The following RAPGEF3 variants were observed in gnomAD, a reference collection of about 807,000 sequenced individuals.
RAPGEF3 encodes the protein 9330170P05Rik.
Under a neutral mutation model 129.8 loss-of-function variants are expected in RAPGEF3, and 103 were observed. That is an observed-to-expected ratio of 0.79 (90% CI 0.68 to 0.93). The LOEUF (loss-of-function observed/expected upper bound fraction) is 0.93. RAPGEF3 is among the 40% of genes least tolerant of loss of function. The pLI is 0.00. For synonymous variants in RAPGEF3, 436 were observed against 482.6 expected, an observed-to-expected ratio of 0.90 and a Z score of 1.26; for missense variants, 1,117 against 1,207.4, an observed-to-expected ratio of 0.93 and a Z score of 1.11.
rs1940795455 is a variant in RAPGEF3, at chr12:47,736,219, T to C, written c.*1348A>G. On this transcript the variant is annotated 3_prime_UTR_variant, in exon 28 of 28. Transcript: ENST00000449771. ...GAGGTCTAAGCCCAGCTGTGCTGCC[T>C]CCCTGCTAAAGGCTCTGACCCTTTC... 1 of 152,278 alleles carries C rather than the reference T, an allele frequency of 6.6e-6. No homozygotes were observed. The highest frequency in any genetic ancestry group is 1.5e-5 in the Non-Finnish European group (1 of 68,060). The allele number at this position is 152,278 out of a possible 1,614,324, so 9.4% of individuals were successfully genotyped here. A position where few individuals can be genotyped will look rare whatever the true frequency, so the allele number is the denominator to read the frequency against.
At chr12:47,737,720 C>T in intron 27 of RAPGEF3, 35 bp from the exon 28 acceptor site, 1 of 1,583,718 alleles carries the variant, frequency 6.3e-7, no homozygotes, top group Non-Finnish European at 8.7e-7. Flanking sequence ...GGCACTGATG[C>T]CCCTTTGTGG....
At position 47,735,960 on chromosome 12, in the gene RAPGEF3, C is replaced by G. The variant is rs1940787109; in HGVS notation, c.*1607G>C. The G allele has an allele frequency of 6.6e-6, 1 of 152,564 alleles. No homozygotes were observed. Among genetic ancestry groups the G allele is most frequent in the Non-Finnish European group, 1.5e-5 (1 of 68,312 alleles). 9.5% of individuals were successfully genotyped at this position (152,564 alleles called of 1,614,324 possible). A position where few individuals can be genotyped will look rare whatever the true frequency, so the allele number is the denominator to read the frequency against. On this transcript the variant is annotated 3_prime_UTR_variant, in exon 28 of 28. Transcript: ENST00000449771. ...AGGGAACTGGTTTGGTTACCACTGCCATCTGCTGCACCTCAGTCTCTCCCT... is the reference window on the plus strand; with the variant it reads ...AGGGAACTGGTTTGGTTACCACTGCGATCTGCTGCACCTCAGTCTCTCCCT...
chr12:47,751,920 T>C lies in RAPGEF3; in HGVS notation c.269A>G (p.Glu90Gly), dbSNP rs774574166. Residue 90 changes from glutamate to glycine, a missense_variant, in exon 3 of 28, where the codon GAG (glutamate) becomes GGG (glycine). By Grantham distance (98) the Glu-to-Gly change is moderately conservative. Coordinates refer to ENST00000449771, the MANE Select transcript of RAPGEF3 (RefSeq NM_001098531.4). ...CCACCCTGCCCAGGCTTCTACCTGC[T>C]CCAGGCTCTCGCTGAAATCCAGGGA... ...EESLDFSESLEQASTERVLRA... is the reference protein window; with the variant it reads ...EESLDFSESLGQASTERVLRA... The C allele has an allele frequency of 6.2e-7, 1 of 1,614,098 alleles. No individual in the cohort carries two copies. The highest frequency in any genetic ancestry group is 1.1e-5 in the South Asian group (1 of 91,084).
chr12:47,751,941 A>G lies in RAPGEF3; in HGVS notation c.248T>C (p.Leu83Pro). The change falls in exon 3 of 28, where the codon CTG (leucine) becomes CCG (proline). Residue 83 changes from leucine (L) to proline (P), a missense_variant. Coordinates refer to ENST00000449771, the MANE Select transcript of RAPGEF3 (RefSeq NM_001098531.4). ...WTPLTNSEES[L>P]DFSESLEQAS... Reference sequence around the variant, plus strand: ...CTGCTCCAGGCTCTCGCTGAAATCCAGGGACTCCTCGCTGTTGGTGAGTGG... The same window carrying G: ...CTGCTCCAGGCTCTCGCTGAAATCCGGGGACTCCTCGCTGTTGGTGAGTGG... 1 of 1,614,076 alleles carries G rather than the reference A, an allele frequency of 6.2e-7. No homozygotes were observed. The highest frequency in any genetic ancestry group is 8.5e-7 in the Non-Finnish European group (1 of 1,180,004).
At chr12:47,743,264 G>A (rs915336507) in intron 18 of RAPGEF3, among the ~76,000 whole-genome samples, 1 of 152,230 alleles carries the variant, frequency 6.6e-6, no homozygotes, top group Non-Finnish European at 1.5e-5. Flanking sequence ...AGCACAGAGG[G>A]ATGAAGTACC....
intron 26 of RAPGEF3, 38 bp downstream of exon 26, chr12:47,738,155 G>C (rs199716110): frequency 1.9e-6 from 3 of 1,613,804 alleles, no homozygotes; most frequent in African/African-American, 2.7e-5. Flanking sequence ...GAGGATGTAG[G>C]GTGGGGGACC....
At position 47,740,951 on chromosome 12, in the gene RAPGEF3, C is replaced by A. The variant is rs768836107; in HGVS notation, c.2013G>T (p.Thr671=). 1 of 1,613,910 alleles carries A rather than the reference C, an allele frequency of 6.2e-7. No homozygotes were observed. The highest frequency in any genetic ancestry group is 8.5e-7 in the Non-Finnish European group (1 of 1,179,994). ...VSAKDLAGQL[T]DHDWSLFNSI... is the part of the protein sequence containing the mutation. ...TGTTGAAGAGGCTCCAGTCGTGGTC[C>A]GTCAGCTGGCCTGCCAGGTCCTTGG... The change falls in exon 20 of 28, where the codon ACG becomes ACT. Residue 671 remains threonine (T), a synonymous_variant. Transcript: ENST00000449771.
chr12:47,738,832 G>A (rs111717879), intron 24 of RAPGEF3, 78 bp from the exon 25 acceptor site: 21 of 1,265,838 alleles, frequency 1.7e-5, no homozygotes, highest in African/African-American at 1.3e-4. Flanking sequence ...AGGGCATAAC[G>A]GCTCCCTTGG....
chr12:47,755,259 T>A (rs1003577377), intron 2 of RAPGEF3, among the ~76,000 whole-genome samples: 1 of 152,210 alleles, frequency 6.6e-6, no homozygotes, highest in African/African-American at 2.4e-5. Flanking sequence ...TGTTTTCACA[T>A]CTATAAAATG....
At chr12:47,758,480 A>G (rs1322337303) in intron 1 of RAPGEF3, 71 bp downstream of exon 1, 3 of 1,581,172 alleles carry the variant, frequency 1.9e-6, no homozygotes. Flanking sequence ...TCCCACCCAA[A>G]CTCCCCACCG....
At position 47,740,019 on chromosome 12, in the gene RAPGEF3, C is replaced by A. The variant is rs1420453473; in HGVS notation, c.2373+122G>T. ...TAGGCCCTGGGCCGAGGTTGGGAAC[C>A]CTGAAAGTGACAAAGGACGAGTAGA... On this transcript the variant is annotated intron_variant, in intron 23 of 27. Transcript: ENST00000449771. The A allele has an allele frequency of 4.7e-6, 6 of 1,275,944 alleles. No individual in the cohort carries two copies. In the East Asian group the frequency reaches 1.5e-4, roughly 32 times the overall value. 79.0% of individuals were successfully genotyped at this position (1,275,944 alleles called of 1,614,324 possible). A position where few individuals can be genotyped will look rare whatever the true frequency, so the allele number is the denominator to read the frequency against.
In RAPGEF3 at chr12:47,748,048, C is replaced by T. The variant is rs568381578; in HGVS notation, c.1322+26G>A. On this transcript the variant is annotated intron_variant, in intron 13 of 27. Coordinates refer to ENST00000449771, the MANE Select transcript of RAPGEF3 (RefSeq NM_001098531.4). ...ACGCACCATCCTATCCCCATGCACACCATCCCCCTGGAGCTGGAAGGATAT... is the reference window on the plus strand; with the variant it reads ...ACGCACCATCCTATCCCCATGCACATCATCCCCCTGGAGCTGGAAGGATAT... 33 of 1,562,696 alleles carry T rather than the reference C, an allele frequency of 2.1e-5. 2 individuals are homozygous for T. In the South Asian group the frequency reaches 3.8e-4, roughly 18 times the overall value.
At position 47,758,769 on chromosome 12, in the gene RAPGEF3, G is replaced by C; in HGVS notation, c.-213C>G. On this transcript the variant is annotated 5_prime_UTR_variant, in exon 1 of 28. Coordinates refer to ENST00000449771, the MANE Select transcript of RAPGEF3 (RefSeq NM_001098531.4). The stretch of plus-strand genomic sequence containing the variant: ...TCCTCTTGGGTGAGTAGAGGGGTGG[G>C]GGCGTGGTGGGGGGACGCCACCCAG... 8.1e-7 allele frequency: 1 copy of C among 1,241,810 alleles called. No homozygotes were observed. 76.9% of individuals were successfully genotyped at this position (1,241,810 alleles called of 1,614,324 possible). A position where few individuals can be genotyped will look rare whatever the true frequency, so the allele number is the denominator to read the frequency against.
chr12:47,755,430 A>G (rs188268771), intron 2 of RAPGEF3, among the ~76,000 whole-genome samples: 1 of 152,326 alleles, frequency 6.6e-6, no homozygotes, highest in Non-Finnish European at 1.5e-5. Context: ...TCTCGGAGTT[A>G]CAAAACAGGG....
intron 2 of RAPGEF3, among the ~76,000 whole-genome samples, chr12:47,754,905 C>T (rs193235818): frequency 5.3e-5 from 8 of 152,338 alleles, no homozygotes; most frequent in African/African-American, 1.7e-4. Context: ...GGCACCAGCA[C>T]TGTGGCCTGC....
At position 47,749,114 on chromosome 12, in the gene RAPGEF3, C is replaced by T. The variant is rs77260207; in HGVS notation, c.1042-183G>A. ...CCCTACCTTCCATGCATCCTGCCTC[C>T]CCCACAGCCTAGTCCCCCGCCCCCT... On this transcript the variant is annotated intron_variant, in intron 10 of 27. Transcript: ENST00000449771. This position sits in a 1 kb window ranked among gnomAD's most constrained non-coding sequence, Gnocchi z 4.5. 10,293 of 647,656 alleles carry T rather than the reference C, an allele frequency of 0.016. 115 individuals carry two copies. The highest frequency in any genetic ancestry group is 0.039 in the Middle Eastern group (129 of 3,326). 40.1% of individuals were successfully genotyped at this position (647,656 alleles called of 1,614,324 possible).
In RAPGEF3 at chr12:47,748,123, G is replaced by A. The variant is rs1941533274; in HGVS notation, c.1273C>T (p.His425Tyr). 1.3e-6 allele frequency: 2 copies of A among 1,588,438 alleles called. No individual in the cohort carries two copies. The highest frequency in any genetic ancestry group is 2.7e-5 in the African/African-American group (2 of 74,506). Residue 425 changes from histidine to tyrosine, a missense_variant, in exon 13 of 28, where the codon CAC (histidine) becomes TAC (tyrosine). By Grantham distance (83) the His-to-Tyr change is moderately conservative. Around this residue, in one of 3 missense-constraint regions of RAPGEF3, gnomAD observed 643 missense variants for 673.4 expected, o/e 0.95. Transcript: ENST00000449771. Reference protein sequence around the residue: ...ETFLSDFLLTHRVFMPSAQLC... With the variant: ...ETFLSDFLLTYRVFMPSAQLC... ...TGGGCGCTGGGCATGAAGACCCTGTGGGTCAGGAGGAAGTCGCTGAGGAAT... is the reference window on the plus strand; with the variant it reads ...TGGGCGCTGGGCATGAAGACCCTGTAGGTCAGGAGGAAGTCGCTGAGGAAT...
rs748902722 is a variant in RAPGEF3, at chr12:47,741,056, TGC to T, written c.1924-18_1924-17del. 1.2e-6 allele frequency: 2 copies of T among 1,609,832 alleles called. No homozygotes were observed. The highest frequency in any genetic ancestry group is 1.7e-5 in the Admixed American group (1 of 59,624). On this transcript the variant is annotated splice_polypyrimidine_tract_variant and intron_variant, in intron 19 of 27. Coordinates refer to ENST00000449771, the MANE Select transcript of RAPGEF3 (RefSeq NM_001098531.4). ...GGTGTGGGATCTGCGGGTGGGAGAGTGCTCAGGGGGCTGCCTGAGGAATCCAG... is the reference window on the plus strand; with the variant it reads ...GGTGTGGGATCTGCGGGTGGGAGAGTTCAGGGGGCTGCCTGAGGAATCCAG...
chr12:47,741,057 G>A lies in RAPGEF3; in HGVS notation c.1924-17C>T, dbSNP rs1941132567. ...GTGTGGGATCTGCGGGTGGGAGAGT[G>A]CTCAGGGGGCTGCCTGAGGAATCCA... On this transcript the variant is annotated splice_polypyrimidine_tract_variant and intron_variant, in intron 19 of 27. Transcript: ENST00000449771. The A allele has an allele frequency of 1.9e-6, 3 of 1,610,470 alleles. No individual in the cohort carries two copies. The highest frequency in any genetic ancestry group is 2.2e-5 in the South Asian group (2 of 90,628).
Sources: gnomAD v4.1 joint callset for allele counts (sites outside exome capture counted in the v4.1 genomes callset) on GRCh38, gnomAD v4.1.1 for gene constraint, gnomAD v4.1.1 regional missense constraint, Gnocchi (gnomAD v3.1) non-coding constraint, MANE v1.5 for transcripts, NCBI Gene and HGNC (gene_info 2026-07-23, HGNC 2026-07-21) for gene names.